Variants in ZNF385D observed in about 807,000 individuals in gnomAD.
ZNF385D encodes zinc finger protein 385D.
In ZNF385D, 15 loss-of-function variants were observed where a neutral mutation model predicts 35.8. The observed-to-expected ratio is 0.42, with a 90% CI of 0.28 to 0.64. ZNF385D has a LOEUF of 0.64. Among genes scored for constraint, ZNF385D ranks in the 30% least tolerant of loss-of-function variants. The probability of loss-of-function intolerance (pLI) is 0.23; values close to 1 mark genes in which losing one functional copy is unlikely to be tolerated. For synonymous variants in ZNF385D, 212 were observed against 186.8 expected (o/e 1.13, Z -1.10); for missense variants, 474 against 494.6 (o/e 0.96, Z 0.39).
intron 2 of ZNF385D, among the ~76,000 whole-genome samples, chr3:22,245,962 A>G (rs1251518884): frequency 6.6e-6 from 1 of 152,096 alleles, no homozygotes; most frequent in Non-Finnish European, 1.5e-5. Context: ...GCTCCTTATG[A>G]AAAGAGCTCA....
intron 2 of ZNF385D, among the ~76,000 whole-genome samples, chr3:22,344,406 A>C (rs1695561524): frequency 6.6e-6 from 1 of 151,776 alleles, no homozygotes; most frequent in Admixed American, 6.6e-5. Context: ...TTTAGTTTTG[A>C]GACAGGGTCT....
chr3:22,156,728 C>T (rs1705612066), intron 3 of ZNF385D, among the ~76,000 whole-genome samples: 1 of 151,990 alleles, frequency 6.6e-6, no homozygotes, highest in Admixed American at 6.6e-5. Flanking sequence ...CCCTTACTGA[C>T]TTTCTCTATT....
intron 3 of ZNF385D, among the ~76,000 whole-genome samples, chr3:22,079,285 T>TG (rs35832540): frequency 0.78 from 118,131 of 151,496 alleles, 46,913 homozygotes; most frequent in Non-Finnish European, 0.84. Context: ...ATGATATATC[T>TG]GCTTTGTAAA....
At chr3:21,907,240 TAAC>T (rs1424391619) in intron 3 of ZNF385D, among the ~76,000 whole-genome samples, 5 of 152,206 alleles carry the variant, frequency 3.3e-5, no homozygotes, top group Non-Finnish European at 7.3e-5. Flanking sequence ...CATGTATCTG[TAAC>T]AACATTTTAA....
chr3:21,634,277 G>A (rs906985974), intron 2 of ZNF385D, among the ~76,000 whole-genome samples: 4 of 149,846 alleles, frequency 2.7e-5, no homozygotes, highest in Non-Finnish European at 4.4e-5. Flanking sequence ...AGGAAGGAAG[G>A]AAGAAAAGAA....
chr3:21,660,142 A>C (rs1320293), intron 2 of ZNF385D, among the ~76,000 whole-genome samples: 9 of 151,988 alleles, frequency 5.9e-5, no homozygotes, highest in African/African-American at 1.9e-4. Context: ...TCTCTTCCCC[A>C]CCTCCTCTCT....
At chr3:21,981,710 TATTCA>T (rs754201240) in intron 3 of ZNF385D, among the ~76,000 whole-genome samples, 1 of 152,188 alleles carries the variant, frequency 6.6e-6, no homozygotes, top group Non-Finnish European at 1.5e-5. Context: ...TACATTTAAG[TATTCA>T]ATTCATCTTG....
intron 3 of ZNF385D, among the ~76,000 whole-genome samples, chr3:22,091,876 G>A (rs776293301): frequency 1.3e-5 from 2 of 152,048 alleles, no homozygotes; most frequent in South Asian, 2.1e-4. Context: ...TTTACAACTT[G>A]GTCTTTATTT....
chr3:21,991,806 G>A (rs34450884), intron 3 of ZNF385D, among the ~76,000 whole-genome samples: 16,423 of 152,186 alleles, frequency 0.11, 1,180 homozygotes, highest in South Asian at 0.26. Context: ...GATTTATTGA[G>A]GTTGTCACTT....
intron 2 of ZNF385D, among the ~76,000 whole-genome samples, chr3:22,294,927 A>G (rs1449609508): frequency 6.6e-6 from 1 of 152,106 alleles, no homozygotes; most frequent in African/African-American, 2.4e-5. Flanking sequence ...GGAAAATTAG[A>G]TATCTATTTT....
intron 3 of ZNF385D, among the ~76,000 whole-genome samples, chr3:21,927,458 T>C (rs1469952898): frequency 6.6e-6 from 1 of 152,166 alleles, no homozygotes. Context: ...AAACAACTCG[T>C]ATGTTCTTCA....
chr3:22,004,914 C>A (rs1419120413), intron 3 of ZNF385D, among the ~76,000 whole-genome samples: 3 of 152,010 alleles, frequency 2.0e-5, no homozygotes, highest in Admixed American at 2.0e-4. Flanking sequence ...GTGCCCTGAC[C>A]ACTTTGGGCA....
intron 3 of ZNF385D, among the ~76,000 whole-genome samples, chr3:21,552,755 A>G (rs995114138): frequency 1.4e-4 from 21 of 152,270 alleles, no homozygotes; most frequent in African/African-American, 5.1e-4. Context: ...TATCTGTGGT[A>G]GACAGAATAA....
At chr3:22,095,088 C>CTTTTTTT (rs10663641) in intron 3 of ZNF385D, among the ~76,000 whole-genome samples, 8 of 121,972 alleles carry the variant, frequency 6.6e-5, no homozygotes, top group African/African-American at 9.6e-5. Context: ...TTCATTCTTT[C>CTTTTTTT]TTTTTTTTTT....
chr3:22,229,222 C>T (rs1204861610), intron 2 of ZNF385D, among the ~76,000 whole-genome samples: 1 of 152,168 alleles, frequency 6.6e-6, no homozygotes, highest in African/African-American at 2.4e-5. Context: ...AGTCCTAAAA[C>T]ATTTTACTTG....
chr3:21,484,414 C>T (rs1704870571), intron 4 of ZNF385D, among the ~76,000 whole-genome samples: 1 of 152,202 alleles, frequency 6.6e-6, no homozygotes, highest in African/African-American at 2.4e-5. Context: ...GGGCATCTTT[C>T]GAAGAAGCTA....
At chr3:22,201,233 C>T (rs543478540) in intron 2 of ZNF385D, among the ~76,000 whole-genome samples, 60 of 152,238 alleles carry the variant, frequency 3.9e-4, no homozygotes, top group African/African-American at 6.5e-4. Flanking sequence ...TCACAATCCA[C>T]GTTCTTCTGC....
chr3:21,660,830 G>A (rs1045399247), intron 2 of ZNF385D, among the ~76,000 whole-genome samples: 1 of 152,192 alleles, frequency 6.6e-6, no homozygotes, highest in Non-Finnish European at 1.5e-5. Context: ...CTGGGGCTCT[G>A]ATAGATTTAG....
intron 2 of ZNF385D, among the ~76,000 whole-genome samples, chr3:22,363,776 G>T (rs982551482): frequency 6.6e-6 from 1 of 152,068 alleles, no homozygotes; most frequent in African/African-American, 2.4e-5. Flanking sequence ...TCTTTACCAT[G>T]AGTGTCTCAA....
Sources: gnomAD v4.1 joint callset for allele counts (sites outside exome capture counted in the v4.1 genomes callset) on GRCh38, gnomAD v4.1.1 for gene constraint, MANE v1.5 for transcripts, NCBI Gene and HGNC (gene_info 2026-07-23, HGNC 2026-07-21) for gene names.